RP1: variants seen among roughly 807,000 people sequenced by gnomAD.
The protein encoded by RP1 is RP1 axonemal microtubule associated, also known as oxygen-regulated protein 1.
Under a neutral mutation model 14.8 loss-of-function variants are expected in RP1, and 16 were observed. The ratio of observed to expected loss-of-function variants is 1.08; its 90% CI spans 0.73 to 1.65. RP1 has a LOEUF of 1.65. RP1 is among the 40% of genes most tolerant of loss of function. The pLI is 0.00. For missense variants in RP1, 2,631 were observed against 2,535.0 expected (o/e 1.04, Z -0.81); for synonymous variants, 876 against 883.6 (o/e 0.99, Z 0.15).
At position 54,702,771 on chromosome 8, in the gene RP1, C is replaced by T. The variant is rs78036441; in HGVS notation, c.1998+1109C>T. ...TTTTCAAAATTAGTATAAATCCTCT[C>T]GAGCTGCTGCTGCTTTATCAACTGA... On this transcript the variant is annotated intron_variant, in intron 14 of 22. Transcript: ENST00000636932. Among the ~76,000 whole-genome samples the T allele has an allele frequency of 0.017, 2,578 of 152,276 alleles. 145 individuals carry two copies. The East Asian group carries it at 0.18, about 11-fold the overall frequency.
intron 1 of RP1, among the ~76,000 whole-genome samples, chr8:54,594,902 T>C (rs1202121815): frequency 1.3e-5 from 2 of 152,130 alleles, no homozygotes; most frequent in Non-Finnish European, 2.9e-5. Context: ...TTTGTGATGA[T>C]AGCATATAGT....
chr8:54,701,477 TCC>T (rs1413154891), intron 13 of RP1: 6 of 1,495,862 alleles, frequency 4.0e-6, no homozygotes, highest in Admixed American at 5.1e-5. Context: ...TTTTTGTTTT[TCC>T]TTTTAGGTTA....
intron 27 of RP1, among the ~76,000 whole-genome samples, chr8:54,857,671 C>G (rs1389151572): frequency 6.6e-6 from 1 of 152,002 alleles, no homozygotes; most frequent in Non-Finnish European, 1.5e-5. Flanking sequence ...TGTGTGATCT[C>G]CAGACACCCT....
intron 19 of RP1, among the ~76,000 whole-genome samples, chr8:54,751,523 T>A (rs192487318): frequency 6.6e-6 from 1 of 152,384 alleles, no homozygotes; most frequent in East Asian, 1.9e-4. Context: ...CTTTCTTACT[T>A]GTTTTCATTA....
intron 24 of RP1, among the ~76,000 whole-genome samples, chr8:54,793,811 T>C (rs904902422): frequency 7.2e-5 from 11 of 151,966 alleles, no homozygotes; most frequent in Admixed American, 2.0e-4. Flanking sequence ...AACATAGTAC[T>C]GGAAGTGCTA....
chr8:54,705,485 G>A (rs541265638), intron 14 of RP1, among the ~76,000 whole-genome samples: 3 of 152,212 alleles, frequency 2.0e-5, no homozygotes, highest in African/African-American at 4.8e-5. Context: ...GAGTCCATGT[G>A]GCTGGTCTCA....
chr8:54,783,834 G>A (rs888702006), intron 24 of RP1: 3 of 566,146 alleles, frequency 5.3e-6, no homozygotes, highest in African/African-American at 1.9e-5. Context: ...TTTGCTTGGT[G>A]TATGTGGCAT....
chr8:54,576,679 A>G (rs75251783), intron 1 of RP1, among the ~76,000 whole-genome samples: 3,419 of 152,316 alleles, frequency 0.022, 130 homozygotes, highest in African/African-American at 0.078. Flanking sequence ...GTTACAGTCA[A>G]AGGCAGGGAA....
intron 18 of RP1, among the ~76,000 whole-genome samples, chr8:54,735,040 G>T (rs991598941): frequency 1.3e-5 from 2 of 151,858 alleles, no homozygotes; most frequent in Non-Finnish European, 2.9e-5. Flanking sequence ...ATTTATAACC[G>T]GCTTATAAGC....
At chr8:54,673,737 C>A in intron 7 of RP1, 1 of 838,456 alleles carries the variant, frequency 1.2e-6, no homozygotes, top group East Asian at 3.1e-5. Context: ...GAGAGCCTGT[C>A]TCAAAACAAC....
chr8:54,623,320 T>G (rs2129315219), intron 3 of RP1, among the ~76,000 whole-genome samples: 1 of 152,282 alleles, frequency 6.6e-6, no homozygotes, highest in East Asian at 1.9e-4. Flanking sequence ...TTTGTTAAGT[T>G]TTCTTCAAAA....
intron 1 of RP1, among the ~76,000 whole-genome samples, chr8:54,589,710 T>C (rs150071215): frequency 6.6e-6 from 1 of 152,352 alleles, no homozygotes; most frequent in East Asian, 1.9e-4. Context: ...TGTGAAAAAC[T>C]GACAACTCCA....
At chr8:54,754,313 G>A (rs7833472) in intron 19 of RP1, among the ~76,000 whole-genome samples, 9,622 of 150,894 alleles carry the variant, frequency 0.064, 947 homozygotes, top group African/African-American at 0.21. Context: ...ATGAACGCAA[G>A]ATCTCCTTTC....
intron 8 of RP1, among the ~76,000 whole-genome samples, chr8:54,678,007 A>C (rs1244202516): frequency 6.6e-6 from 1 of 152,176 alleles, no homozygotes; most frequent in Non-Finnish European, 1.5e-5. Flanking sequence ...AGGATTTCTG[A>C]ATGATTTTTC....
In RP1 at chr8:54,758,912, C is replaced by T. The variant is rs75723873; in HGVS notation, c.3094-10C>T. 692 of 1,534,390 alleles carry T rather than the reference C, an allele frequency of 4.5e-4. 7 individuals are homozygous for T. The East Asian group carries it at 0.014, about 31-fold the overall frequency. ...TTTCTGTGGGTTTTTTTCTCTGTCT[C>T]CTGCACCAGATTGATAAATTTCAAG... is the stretch of plus-strand genomic sequence containing the variant. On this transcript the variant is annotated splice_polypyrimidine_tract_variant and intron_variant, in intron 21 of 22. Coordinates refer to the RP1 transcript ENST00000636932.
chr8:54,661,143 TA>T (rs1274934310), intron 6 of RP1, among the ~76,000 whole-genome samples: 2 of 148,090 alleles, frequency 1.4e-5, no homozygotes, highest in East Asian at 3.9e-4. Context: ...CCATCTCTAT[TA>T]AAAAATATAA....
chr8:54,639,882 C>T, intron 3 of RP1, among the ~76,000 whole-genome samples: 1 of 152,120 alleles, frequency 6.6e-6, no homozygotes, highest in South Asian at 2.1e-4. Flanking sequence ...GCATTTTCTC[C>T]TAGTGTAATA....
rs78928796 is a variant in RP1, at chr8:54,657,570, C to T, written c.1171+1355C>T. Among the ~76,000 whole-genome samples, 47 of 152,156 alleles carry T rather than the reference C, an allele frequency of 3.1e-4. 1 individual carries two copies. The East Asian group carries it at 5.8e-3, about 19-fold the overall frequency. ...TCTAATATTCTAGCTAAGATTGATG[C>T]TGTGTCTGAAATGATATCATTACGA... is the stretch of plus-strand genomic sequence containing the variant. On this transcript the variant is annotated intron_variant, in intron 6 of 22. Transcript: ENST00000636932.
intron 25 of RP1, among the ~76,000 whole-genome samples, chr8:54,843,827 G>A (rs1031350346): frequency 1.3e-5 from 2 of 152,294 alleles, no homozygotes; most frequent in African/African-American, 4.8e-5. Context: ...CAGGCCCGCT[G>A]TTGGGAAAGG....
Sources: gnomAD v4.1 joint callset for allele counts (sites outside exome capture counted in the v4.1 genomes callset) on GRCh38, gnomAD v4.1.1 for gene constraint, MANE v1.5 for transcripts, NCBI Gene and HGNC (gene_info 2026-07-23, HGNC 2026-07-21) for gene names.